The following STK32B variants were observed in gnomAD, a reference collection of about 807,000 sequenced individuals.
The protein encoded by STK32B is serine/threonine kinase 32B.
STK32B carries 43 observed loss-of-function variants against 52.6 expected under a neutral mutation model. The ratio of observed to expected loss-of-function variants is 0.82; its 90% CI spans 0.64 to 1.05. The LOEUF (loss-of-function observed/expected upper bound fraction) is 1.05, where lower values mean the gene tolerates loss of function less well. Ranked by LOEUF, STK32B falls within the 50% of genes least tolerant of loss-of-function variation. The probability of loss-of-function intolerance (pLI) is 0.00; values close to 1 mark genes in which losing one functional copy is unlikely to be tolerated. For synonymous variants in STK32B, 238 were observed against 204.3 expected (o/e 1.17, Z -1.41); for missense variants, 621 against 534.6 (o/e 1.16, Z -1.59).
intron 1 of STK32B, among the ~76,000 whole-genome samples, chr4:5,119,145 C>T (rs1309301803): frequency 1.3e-5 from 2 of 152,180 alleles, no homozygotes; most frequent in African/African-American, 4.8e-5. Context: ...TTGCTGGGAA[C>T]GCGGGCTGCA....
chr4:5,282,083 C>T (rs1402442321), intron 3 of STK32B, among the ~76,000 whole-genome samples: 2 of 152,094 alleles, frequency 1.3e-5, no homozygotes, highest in East Asian at 3.8e-4. Context: ...TATCCATCAC[C>T]TCACCTATCA....
intron 4 of STK32B, among the ~76,000 whole-genome samples, chr4:5,341,387 G>A (rs1203252046): frequency 6.6e-6 from 1 of 152,288 alleles, no homozygotes; most frequent in East Asian, 1.9e-4. Flanking sequence ...AGTCACATCC[G>A]CTAATTATTC....
chr4:5,376,186 C>T (rs773777767), intron 4 of STK32B, among the ~76,000 whole-genome samples: 6 of 152,142 alleles, frequency 3.9e-5, no homozygotes, highest in African/African-American at 7.2e-5. Context: ...TCCTCCACTC[C>T]GCCGGACCAG....
At chr4:5,451,109 C>T (rs1407843422) in intron 7 of STK32B, among the ~76,000 whole-genome samples, 2 of 152,152 alleles carry the variant, frequency 1.3e-5, no homozygotes, top group Non-Finnish European at 2.9e-5. Context: ...AGGGCATAGG[C>T]GGTGTCTGGC....
rs546868348 is a variant in STK32B at position 5,371,641 on chromosome 4, G to A, written c.435-26566G>A. ...GCCCTGGCTGTGCTCTGCGTGCCAA[G>A]CAAACATTTGCCAAAGGGGCCAGAT... On this transcript the variant is annotated intron_variant, in intron 4 of 11. Transcript: ENST00000282908. Among the ~76,000 whole-genome samples the A allele has an allele frequency of 2.4e-4, 36 of 152,298 alleles. No individual in the cohort carries two copies. The South Asian group carries it at 7.3e-3, about 31-fold the overall frequency.
chr4:5,366,621 G>A (rs974505776), intron 4 of STK32B, among the ~76,000 whole-genome samples: 4 of 152,222 alleles, frequency 2.6e-5, no homozygotes, highest in African/African-American at 4.8e-5. Flanking sequence ...CCAGTCACCC[G>A]GCCCAGGCGA....
rs55670147 is a variant in STK32B, at chr4:5,250,344, G to T, written c.261-80876G>T. ...TTTTTTTTTTTTGAGACAGAATCTCGCTCTGTCACCCAGGCTGGAGTGCAC... is the reference window on the plus strand; with the variant it reads ...TTTTTTTTTTTTGAGACAGAATCTCTCTCTGTCACCCAGGCTGGAGTGCAC... On this transcript the variant is annotated intron_variant, in intron 3 of 11. Coordinates refer to ENST00000282908, the MANE Select transcript of STK32B (RefSeq NM_018401.3). Among the ~76,000 whole-genome samples, 3 of 131,120 alleles carry T rather than the reference G, an allele frequency of 2.3e-5. 1 individual carries two copies. The highest frequency in any genetic ancestry group is 4.7e-4 in the South Asian group (2 of 4,280). 86.0% of individuals were successfully genotyped at this position (131,120 alleles called of 152,430 possible). A position where few individuals can be genotyped will look rare whatever the true frequency, so the allele number is the denominator to read the frequency against.
At chr4:5,105,370 T>A (rs1329165803) in intron 1 of STK32B, among the ~76,000 whole-genome samples, 1 of 152,176 alleles carries the variant, frequency 6.6e-6, no homozygotes, top group African/African-American at 2.4e-5. Flanking sequence ...TTTTATATGA[T>A]TATTTGCATT....
intron 1 of STK32B, among the ~76,000 whole-genome samples, chr4:5,103,067 G>A (rs1334419339): frequency 6.6e-6 from 1 of 151,034 alleles, no homozygotes; most frequent in East Asian, 1.9e-4. Flanking sequence ...ATGTCTCTAC[G>A]TTTATGGGGA....
intron 3 of STK32B, among the ~76,000 whole-genome samples, chr4:5,317,511 T>G (rs1277740304): frequency 1.1e-5 from 1 of 91,638 alleles, no homozygotes; most frequent in Non-Finnish European, 1.9e-5. Flanking sequence ...TATATATGTA[T>G]AATATATTTA....
rs150897758 is a variant in STK32B, at chr4:5,423,312, G to A, written c.562+6378G>A. On this transcript the variant is annotated intron_variant, in intron 6 of 11. Transcript: ENST00000282908. Reference sequence around the variant, plus strand: ...CTGGGTGATTCTCATTACCAGACATGGTGCACATAAAGCACTTACCATGAT... The same window carrying A: ...CTGGGTGATTCTCATTACCAGACATAGTGCACATAAAGCACTTACCATGAT... Among the ~76,000 whole-genome samples, 1,407 of 152,126 alleles carry A rather than the reference G, an allele frequency of 9.2e-3. 20 individuals are homozygous for A. Among genetic ancestry groups the A allele is most frequent in the African/African-American group, 0.032 (1,329 of 41,488 alleles).
At chr4:5,182,018 T>A (rs1339821281) in intron 3 of STK32B, among the ~76,000 whole-genome samples, 1 of 152,270 alleles carries the variant, frequency 6.6e-6, no homozygotes, top group Non-Finnish European at 1.5e-5. Context: ...TGAGTTTATG[T>A]GATATTCTAA....
chr4:5,097,251 G>A (rs1713453075), intron 1 of STK32B, among the ~76,000 whole-genome samples: 1 of 152,226 alleles, frequency 6.6e-6, no homozygotes, highest in Non-Finnish European at 1.5e-5. Context: ...ATGTGGACAT[G>A]CTTCATTCAT....
At chr4:5,446,922 G>A in intron 7 of STK32B, 146 bp downstream of exon 7, 1 of 682,110 alleles carries the variant, frequency 1.5e-6, no homozygotes. Context: ...CCTGATGCCT[G>A]TGTGCCGCCT....
At chr4:5,217,559 A>G (rs16836895) in intron 3 of STK32B, among the ~76,000 whole-genome samples, 5,831 of 152,310 alleles carry the variant, frequency 0.038, 231 homozygotes, top group African/African-American at 0.1. Context: ...TATGGTTTCA[A>G]TTACAAGATT....
the STK32B span, among the ~76,000 whole-genome samples, chr4:5,038,810 T>G: frequency 3.9e-5 from 6 of 152,184 alleles, no homozygotes; most frequent in East Asian, 1.2e-3. Context: ...CTCTGTACAC[T>G]TTGGCTACAC....
chr4:5,084,318 G>A (rs545326592), intron 1 of STK32B, among the ~76,000 whole-genome samples: 3 of 152,194 alleles, frequency 2.0e-5, no homozygotes, highest in Admixed American at 1.3e-4. Context: ...TTTGCTGAGC[G>A]CCTTCTGCCA....
chr4:5,161,019 C>T (rs1718398662), intron 2 of STK32B, among the ~76,000 whole-genome samples: 1 of 152,154 alleles, frequency 6.6e-6, no homozygotes, highest in Admixed American at 6.5e-5. Context: ...GAGGCCAGCC[C>T]ACTTAGGGCC....
chr4:5,475,975 A>G (rs1229288156), intron 11 of STK32B, among the ~76,000 whole-genome samples: 1 of 150,838 alleles, frequency 6.6e-6, no homozygotes, highest in Non-Finnish European at 1.5e-5. Context: ...GCTCACTGCA[A>G]CCTCCGCCTC....
Sources: allele counts gnomAD v4.1 joint callset (sites outside exome capture counted in the v4.1 genomes callset), GRCh38; gene constraint gnomAD v4.1.1; transcripts MANE v1.5; gene names NCBI Gene and HGNC (gene_info 2026-07-23, HGNC 2026-07-21).